The following ADGRV1 variants were observed in gnomAD, a reference collection of about 807,000 sequenced individuals.
ADGRV1 encodes the protein G-protein coupled receptor 98.
ADGRV1 carries 359 observed loss-of-function variants against 596.2 expected under a neutral mutation model. The ratio of observed to expected loss-of-function variants is 0.60; its 90% CI spans 0.55 to 0.66. ADGRV1 has a LOEUF of 0.66. Ranked by LOEUF, ADGRV1 falls within the 30% of genes least tolerant of loss-of-function variation. The probability of loss-of-function intolerance (pLI) is 0.00; values close to 1 mark genes in which losing one functional copy is unlikely to be tolerated. For missense variants in ADGRV1, 7,274 were observed against 7,575.6 expected, an observed-to-expected ratio of 0.96 and a Z score of 1.48; for synonymous variants, 2,681 against 2,679.2, an observed-to-expected ratio of 1.00 and a Z score of -0.02.
chr5:90,831,768 A>G (rs1174950235), intron 77 of ADGRV1, among the ~76,000 whole-genome samples: 1 of 151,976 alleles, frequency 6.6e-6, no homozygotes, highest in African/African-American at 2.4e-5. Context: ...TCTACTCCCT[A>G]TCTTCATGAG....
intron 83 of ADGRV1, among the ~76,000 whole-genome samples, chr5:90,927,484 T>C (rs1341746170): frequency 6.6e-6 from 1 of 152,236 alleles, no homozygotes; most frequent in Non-Finnish European, 1.5e-5. Flanking sequence ...GTCCATTTGC[T>C]TAGTAGATCT....
chr5:91,008,592 C>T (rs1011925986), intron 85 of ADGRV1, among the ~76,000 whole-genome samples: 1 of 152,072 alleles, frequency 6.6e-6, no homozygotes, highest in African/African-American at 2.4e-5. Context: ...CAACCTCCAC[C>T]TCCCAGGTTC....
intron 21 of ADGRV1, among the ~76,000 whole-genome samples, chr5:90,667,709 T>C (rs1450067385): frequency 6.6e-6 from 1 of 152,140 alleles, no homozygotes; most frequent in Non-Finnish European, 1.5e-5. Flanking sequence ...GTTTCCAGTT[T>C]TTCTGTTCTG....
In ADGRV1 at chr5:90,774,209, G is replaced by T; in HGVS notation, c.12309G>T (p.Val4103=). The change falls in exon 60 of 90, where the codon GTG becomes GTT. Residue 4103 remains valine, a synonymous_variant. Coordinates refer to ENST00000405460, the MANE Select transcript of ADGRV1 (RefSeq NM_032119.4). ...FDETESQKTI[V]LHTLQDTVLE... ...AGACTGAGTCCCAGAAGACCATTGT[G>T]TTGCACACACTTCAAGACACAGTGT... The T allele has an allele frequency of 2.5e-6, 4 of 1,608,750 alleles. No homozygotes were observed. Among genetic ancestry groups the T allele is most frequent in the Non-Finnish European group, 3.4e-6 (4 of 1,175,756 alleles).
chr5:91,063,846 CTGGTGGTGG>C (rs199538556), intron 85 of ADGRV1, among the ~76,000 whole-genome samples: 4 of 151,028 alleles, frequency 2.6e-5, no homozygotes, highest in Non-Finnish European at 4.4e-5. Flanking sequence ...CATAGGGGAG[CTGGTGGTGG>C]TGGTGGTGGT....
Position 90,823,605 on chromosome 5 carries a change from T to C in ADGRV1, c.16368+9T>C. 2 of 1,610,618 alleles carry C rather than the reference T, an allele frequency of 1.2e-6. No individual in the cohort carries two copies. The highest frequency in any genetic ancestry group is 1.7e-6 in the Non-Finnish European group (2 of 1,177,208). ...AACTCAAACCAGAAAAGGTAAGAAA[T>C]GAAGAGACACACTAGTGTCAACTTC... On this transcript the variant is annotated intron_variant, in intron 76 of 89. Transcript: ENST00000405460.
At chr5:90,995,839 C>T (rs561000966) in intron 85 of ADGRV1, among the ~76,000 whole-genome samples, 3 of 152,260 alleles carry the variant, frequency 2.0e-5, no homozygotes, top group East Asian at 3.9e-4. Flanking sequence ...TAACCTTTGG[C>T]AAAGAGACTG....
chr5:90,697,647 T>C lies in ADGRV1; in HGVS notation c.8155+501T>C, dbSNP rs1166266371. Among the ~76,000 whole-genome samples the C allele has an allele frequency of 1.6e-4, 25 of 152,184 alleles. 1 individual carries two copies. The highest frequency in any genetic ancestry group is 1.6e-3 in the Admixed American group (25 of 15,258). On this transcript the variant is annotated intron_variant, in intron 34 of 89. Transcript: ENST00000405460. ...GTGTTTGTACATTTTATGAACAAAG[T>C]GCCAAACCTTATAAAATTTCTTTTT...
chr5:91,096,212 T>A (rs1790849997), intron 86 of ADGRV1, among the ~76,000 whole-genome samples: 1 of 152,260 alleles, frequency 6.6e-6, no homozygotes, highest in Non-Finnish European at 1.5e-5. Flanking sequence ...AGAATAAATT[T>A]CAGCTTCATG....
intron 87 of ADGRV1, among the ~76,000 whole-genome samples, chr5:91,138,907 G>C (rs1046980497): frequency 6.6e-6 from 1 of 152,030 alleles, no homozygotes; most frequent in Admixed American, 6.6e-5. Context: ...GAGTAACTGG[G>C]ATTACAGGTG....
At chr5:90,849,194 C>T (rs1766229521) in intron 79 of ADGRV1, among the ~76,000 whole-genome samples, 1 of 152,090 alleles carries the variant, frequency 6.6e-6, no homozygotes, top group Non-Finnish European at 1.5e-5. Flanking sequence ...TCACAAACAA[C>T]TGTGATTGTT....
At chr5:91,139,808 G>A (rs904913987) in intron 87 of ADGRV1, among the ~76,000 whole-genome samples, 3 of 152,106 alleles carry the variant, frequency 2.0e-5, no homozygotes, top group African/African-American at 7.2e-5. Flanking sequence ...AGAGACATCA[G>A]TTACTTCTGA....
At chr5:90,984,110 C>T (rs1036984557) in intron 84 of ADGRV1, among the ~76,000 whole-genome samples, 1 of 152,098 alleles carries the variant, frequency 6.6e-6, no homozygotes. Flanking sequence ...TTTATAATAA[C>T]CTTGTTGTAT....
chr5:91,150,082 C>G lies in ADGRV1; in HGVS notation c.18485C>G (p.Pro6162Arg). The change falls in exon 88 of 90, where the codon CCT becomes CGT. Residue 6162 changes from proline (P) to arginine (R), a missense_variant. Pro to Arg is a moderately radical substitution (Grantham distance 103). Transcript: ENST00000405460. Reference protein sequence around the residue: ...YFILHNQMCCPMKASYTVEMN... With the variant: ...YFILHNQMCCRMKASYTVEMN... Reference sequence around the variant, plus strand: ...ATTTTACACAACCAAATGTGTTGCCCTATGAAGGCCAGTTACACTGTGGAA... The same window carrying G: ...ATTTTACACAACCAAATGTGTTGCCGTATGAAGGCCAGTTACACTGTGGAA... 6.4e-7 allele frequency: 1 copy of G among 1,557,372 alleles called. No homozygotes were observed. Among genetic ancestry groups the G allele is most frequent in the Non-Finnish European group, 8.7e-7 (1 of 1,150,808 alleles).
At chr5:91,140,707 T>A (rs1795026341) in intron 87 of ADGRV1, among the ~76,000 whole-genome samples, 1 of 152,154 alleles carries the variant, frequency 6.6e-6, no homozygotes, top group South Asian at 2.1e-4. Flanking sequence ...TGGGAAACTA[T>A]CCAAGCAGGG....
intron 87 of ADGRV1, among the ~76,000 whole-genome samples, chr5:91,112,788 C>T (rs1360809429): frequency 6.6e-6 from 1 of 152,150 alleles, no homozygotes; most frequent in African/African-American, 2.4e-5. Flanking sequence ...CAAGCAACCT[C>T]TATTTTACCA....
intron 84 of ADGRV1, among the ~76,000 whole-genome samples, chr5:90,980,556 T>C (rs1779996471): frequency 6.6e-6 from 1 of 152,196 alleles, no homozygotes; most frequent in South Asian, 2.1e-4. Context: ...AAGATCCTTC[T>C]AACAACATTT....
At chr5:90,959,911 G>A (rs1371968687) in intron 83 of ADGRV1, among the ~76,000 whole-genome samples, 1 of 152,114 alleles carries the variant, frequency 6.6e-6, no homozygotes, top group Non-Finnish European at 1.5e-5. Context: ...AGGCTAAGGT[G>A]GGCAGATCAC....
At chr5:91,121,203 G>C (rs772126377) in intron 87 of ADGRV1, among the ~76,000 whole-genome samples, 1 of 152,064 alleles carries the variant, frequency 6.6e-6, no homozygotes, top group Non-Finnish European at 1.5e-5. Context: ...AAAGTACAGA[G>C]TAGAATGGGG....
Sources: allele counts gnomAD v4.1 joint callset (sites outside exome capture counted in the v4.1 genomes callset), GRCh38; gene constraint gnomAD v4.1.1; transcripts MANE v1.5; gene names NCBI Gene and HGNC (gene_info 2026-07-23, HGNC 2026-07-21).